Variants in PCGF5 observed in about 807,000 individuals in gnomAD.
PCGF5 encodes the protein polycomb group ring finger 5.
A neutral mutation model predicts 44.3 loss-of-function variants in PCGF5; 9 were observed. The observed-to-expected ratio is 0.20, with a 90% CI of 0.12 to 0.35. The LOEUF (loss-of-function observed/expected upper bound fraction) is 0.35. PCGF5 is among the 10% of genes least tolerant of loss of function. PCGF5 has a pLI of 1.00. For missense variants in PCGF5, 146 were observed against 305.3 expected (o/e 0.48, Z 3.89); for synonymous variants, 95 against 102.5 (o/e 0.93, Z 0.44).
chr10:91,247,854 T>G (rs1394797036), intron 3 of PCGF5, among the ~76,000 whole-genome samples: 2 of 152,114 alleles, frequency 1.3e-5, no homozygotes, highest in Non-Finnish European at 2.9e-5. Context: ...ACCCCTAAAT[T>G]GATGCTTGAA....
Position 91,277,927 on chromosome 10 carries a change from A to G in PCGF5, c.724-342A>G, listed in dbSNP as rs1324176311. On this transcript the variant is annotated intron_variant, in intron 9 of 9. Coordinates refer to ENST00000336126, the MANE Select transcript of PCGF5 (RefSeq NM_032373.5). ...GTCTTGTTCGCCTCCTAGGGTTACT[A>G]ACTGAATGCCTATAAGCAGGGTGTG... Among the ~76,000 whole-genome samples, 13 of 152,054 alleles carry G rather than the reference A, an allele frequency of 8.5e-5. 1 individual carries two copies. The highest frequency in any genetic ancestry group is 8.5e-4 in the Admixed American group (13 of 15,264).
intron 2 of PCGF5, among the ~76,000 whole-genome samples, chr10:91,239,965 A>G (rs899659126): frequency 2.0e-5 from 3 of 152,214 alleles, no homozygotes; most frequent in Non-Finnish European, 2.9e-5. Context: ...CTATGAGCAG[A>G]AACTCATTAC....
chr10:91,226,695 A>C (rs1277361207), intron 2 of PCGF5, among the ~76,000 whole-genome samples: 1 of 151,670 alleles, frequency 6.6e-6, no homozygotes, highest in Non-Finnish European at 1.5e-5. Flanking sequence ...AGGTAGATAT[A>C]GAAAGAAGGG....
chr10:91,264,543 T>C (rs200308190), intron 8 of PCGF5, 23 bp downstream of exon 8: 2 of 1,534,938 alleles, frequency 1.3e-6, no homozygotes, highest in Non-Finnish European at 1.8e-6. Context: ...TATATTTACC[T>C]ATGTGTTTAT....
upstream of PCGF5, among the ~76,000 whole-genome samples, chr10:91,219,882 A>C (rs1364884852): frequency 6.6e-6 from 1 of 152,144 alleles, no homozygotes; most frequent in African/African-American, 2.4e-5. Context: ...AGAGTCATCT[A>C]TCACTTTAGT....
intron 1 of PCGF5, among the ~76,000 whole-genome samples, chr10:91,208,021 A>G (rs1200754698): frequency 6.6e-6 from 1 of 152,196 alleles, no homozygotes; most frequent in African/African-American, 2.4e-5. Context: ...ATTACATGAA[A>G]TTAGACTATC....
At chr10:91,262,370 G>C (rs147230229) in intron 7 of PCGF5, among the ~76,000 whole-genome samples, 1 of 152,146 alleles carries the variant, frequency 6.6e-6, no homozygotes, top group African/African-American at 2.4e-5. Context: ...GGAGGTTGCA[G>C]TGACCCGAGA....
chr10:91,156,548 G>A, the PCGF5 span, among the ~76,000 whole-genome samples: 1 of 152,144 alleles, frequency 6.6e-6, no homozygotes, highest in East Asian at 1.9e-4. Context: ...AGCCCTAAAG[G>A]AACTGTAAGG....
At chr10:91,274,589 A>G (rs183444126) in intron 9 of PCGF5, among the ~76,000 whole-genome samples, 1 of 152,348 alleles carries the variant, frequency 6.6e-6, no homozygotes, top group Non-Finnish European at 1.5e-5. Flanking sequence ...ACTTACACTA[A>G]TGATGGTAAC....
intron 1 of PCGF5, among the ~76,000 whole-genome samples, chr10:91,190,433 G>C (rs1458525595): frequency 2.0e-5 from 3 of 152,196 alleles, no homozygotes; most frequent in African/African-American, 7.2e-5. Context: ...TGTGGTGTCA[G>C]ATAATCTGCC....
At chr10:91,248,331 A>G (rs1040760258) in intron 3 of PCGF5, among the ~76,000 whole-genome samples, 174 bp from the exon 4 acceptor site, 3 of 152,110 alleles carry the variant, frequency 2.0e-5, no homozygotes, top group Non-Finnish European at 4.4e-5. Flanking sequence ...TCAGTCTACT[A>G]CTGGGGAAGG....
chr10:91,253,259 C>T lies in PCGF5; in HGVS notation c.474+1819C>T, dbSNP rs566715643. On this transcript the variant is annotated intron_variant, in intron 6 of 9. Transcript: ENST00000336126. ...AGTAAATTGTGTGTCACAGGTTTGG[C>T]GTAAGGTTATTTTGTCACCCAGGTA... Among the ~76,000 whole-genome samples, 53 of 151,952 alleles carry T rather than the reference C, an allele frequency of 3.5e-4. 4 individuals are homozygous for T. The South Asian group carries it at 0.01, about 30-fold the overall frequency.
intron 6 of PCGF5, among the ~76,000 whole-genome samples, chr10:91,258,982 A>G (rs934698643): frequency 2.0e-4 from 30 of 151,940 alleles, no homozygotes; most frequent in African/African-American, 5.8e-4. Flanking sequence ...AAAAGATTCT[A>G]TTGTTGTTTT....
Position 91,251,321 on chromosome 10 carries a change from G to A in PCGF5, c.355G>A (p.Val119Ile). The change falls in exon 6 of 10, where the codon GTA becomes ATA. Residue 119 changes from valine to isoleucine, a missense_variant. By Grantham distance (29) the Val-to-Ile change is conservative. Coordinates refer to ENST00000336126, the MANE Select transcript of PCGF5 (RefSeq NM_032373.5). ...DDTSKADKPK[V>I]DEEGDENEDD... ...TACTTCAAAAGCTGACAAACCGAAA[G>A]TAGATGAAGAAGGTGATGAAAATGA... 6.2e-7 allele frequency: 1 copy of A among 1,610,000 alleles called. No individual in the cohort carries two copies. The highest frequency in any genetic ancestry group is 1.1e-5 in the South Asian group (1 of 90,920).
At chr10:91,250,277 GC>G (rs772231569) in intron 5 of PCGF5, among the ~76,000 whole-genome samples, 17 of 151,926 alleles carry the variant, frequency 1.1e-4, no homozygotes, top group Non-Finnish European at 2.1e-4. Context: ...TACCTGTAGT[GC>G]TTTTACTACA....
At chr10:91,179,339 A>C (rs966143158) in intron 1 of PCGF5, among the ~76,000 whole-genome samples, 1 of 152,208 alleles carries the variant, frequency 6.6e-6, no homozygotes, top group African/African-American at 2.4e-5. Context: ...TTTTAAAAAA[A>C]AATTAATCTT....
chr10:91,235,521 T>C (rs1403202432), intron 2 of PCGF5, among the ~76,000 whole-genome samples: 2 of 151,514 alleles, frequency 1.3e-5, no homozygotes, highest in East Asian at 2.0e-4. Context: ...CTGGGCAATA[T>C]GGGAAGATCC....
chr10:91,188,818 C>T (rs1843975065), intron 1 of PCGF5, among the ~76,000 whole-genome samples: 2 of 152,114 alleles, frequency 1.3e-5, no homozygotes, highest in African/African-American at 4.8e-5. Context: ...AACCTTTTTT[C>T]CACCCTTGTC....
upstream of PCGF5, among the ~76,000 whole-genome samples, chr10:91,217,273 C>T (rs1034317188): frequency 2.9e-4 from 44 of 152,218 alleles, no homozygotes; most frequent in African/African-American, 1.0e-3. Flanking sequence ...GACCTTGTGA[C>T]CACCCGCCTC....
Sources: allele counts gnomAD v4.1 joint callset (sites outside exome capture counted in the v4.1 genomes callset), GRCh38; gene constraint gnomAD v4.1.1; transcripts MANE v1.5; gene names NCBI Gene and HGNC (gene_info 2026-07-23, HGNC 2026-07-21).